Variants in SYNPR observed in about 807,000 individuals in gnomAD.
SYNPR encodes synaptoporin.
SYNPR carries 23 observed loss-of-function variants against 32.9 expected under a neutral mutation model. That is an observed-to-expected ratio of 0.70 (90% CI 0.50 to 0.99). SYNPR has a LOEUF of 0.99. Among genes scored for constraint, SYNPR ranks in the 50% least tolerant of loss-of-function variants. The pLI is 0.00. For synonymous variants in SYNPR, 146 were observed against 135.9 expected (o/e 1.07, Z -0.52); for missense variants, 318 against 349.3 (o/e 0.91, Z 0.71).
intron 2 of SYNPR, chr3:63,443,486 C>T: frequency 6.2e-7 from 1 of 1,604,076 alleles, no homozygotes; most frequent in Non-Finnish European, 8.5e-7. Flanking sequence ...TTACAGCTAT[C>T]TTGATTTACA....
chr3:63,349,510 A>C (rs536157024), intron 2 of SYNPR, among the ~76,000 whole-genome samples: 1 of 152,310 alleles, frequency 6.6e-6, no homozygotes, highest in Non-Finnish European at 1.5e-5. Context: ...TTTTCTTTGT[A>C]GGGATCTTTC....
chr3:63,360,711 G>C (rs151322533), intron 2 of SYNPR, among the ~76,000 whole-genome samples: 62 of 152,224 alleles, frequency 4.1e-4, no homozygotes, highest in African/African-American at 1.4e-3. Context: ...CTAGAACACT[G>C]TCTGGCCACT....
chr3:63,310,663 C>T (rs1478293520), intron 2 of SYNPR, among the ~76,000 whole-genome samples: 2 of 152,024 alleles, frequency 1.3e-5, no homozygotes, highest in East Asian at 3.9e-4. Context: ...TTCATGCTGT[C>T]CCAGTGGCTC....
At chr3:63,594,585 G>T (rs1165086921) in intron 4 of SYNPR, among the ~76,000 whole-genome samples, 1 of 152,080 alleles carries the variant, frequency 6.6e-6, no homozygotes, top group African/African-American at 2.4e-5. Flanking sequence ...CTTTCAAACT[G>T]GGTTTAAGTA....
At chr3:63,572,869 A>G (rs1408456457) in intron 4 of SYNPR, among the ~76,000 whole-genome samples, 2 of 152,110 alleles carry the variant, frequency 1.3e-5, no homozygotes, top group Non-Finnish European at 2.9e-5. Flanking sequence ...CTCATTTTTA[A>G]TAAGTATTAG....
intron 2 of SYNPR, among the ~76,000 whole-genome samples, chr3:63,450,622 A>G (rs994598968): frequency 3.9e-5 from 6 of 152,168 alleles, no homozygotes; most frequent in Non-Finnish European, 8.8e-5. Flanking sequence ...GACGTACCCA[A>G]ACATCTTTGG....
chr3:63,606,863 T>C (rs1700130352), intron 4 of SYNPR, among the ~76,000 whole-genome samples: 2 of 152,294 alleles, frequency 1.3e-5, no homozygotes, highest in South Asian at 4.1e-4. Context: ...CTCCATTTCC[T>C]CAACTGTAAA....
intron 1 of SYNPR, among the ~76,000 whole-genome samples, chr3:63,251,523 T>C (rs1327929731): frequency 6.6e-6 from 1 of 152,146 alleles, no homozygotes; most frequent in African/African-American, 2.4e-5. Context: ...CCTGACATAA[T>C]GCTGAAAGAA....
intron 4 of SYNPR, among the ~76,000 whole-genome samples, chr3:63,566,798 G>C (rs941100699): frequency 6.6e-6 from 1 of 152,142 alleles, no homozygotes; most frequent in Non-Finnish European, 1.5e-5. Flanking sequence ...AGAGTAAATG[G>C]GTTATTACCC....
chr3:63,425,848 T>A lies in SYNPR; in HGVS notation c.85-54984T>A, dbSNP rs570421858. Reference sequence around the variant, plus strand: ...CCCAGGCTGGAGTGCAGTGGCACAATCTCGGCTCACTGCAACCTCCGCCTC... The same window carrying A: ...CCCAGGCTGGAGTGCAGTGGCACAAACTCGGCTCACTGCAACCTCCGCCTC... On this transcript the variant is annotated intron_variant, in intron 2 of 5. Coordinates refer to ENST00000478300, the MANE Select transcript of SYNPR (RefSeq NM_001130003.2). Among the ~76,000 whole-genome samples, 13 of 150,508 alleles carry A rather than the reference T, an allele frequency of 8.6e-5. No homozygotes were observed. In the South Asian group the frequency reaches 2.8e-3, roughly 32 times the overall value.
At chr3:63,289,745 T>G (rs1026028959) in intron 2 of SYNPR, among the ~76,000 whole-genome samples, 1 of 152,128 alleles carries the variant, frequency 6.6e-6, no homozygotes, top group African/African-American at 2.4e-5. Flanking sequence ...AACACAATAA[T>G]GTTTAAAATA....
intron 2 of SYNPR, among the ~76,000 whole-genome samples, chr3:63,390,557 G>C (rs2088119485): frequency 1.3e-5 from 2 of 152,154 alleles, no homozygotes; most frequent in African/African-American, 4.8e-5. Context: ...ACGAAATAGA[G>C]CCCGTTGTGC....
At chr3:63,456,913 G>A (rs185132097) in intron 2 of SYNPR, among the ~76,000 whole-genome samples, 8 of 152,182 alleles carry the variant, frequency 5.3e-5, no homozygotes, top group Admixed American at 5.2e-4. Flanking sequence ...GACCAAACAC[G>A]AATACACCAA....
chr3:63,592,575 T>C (rs1023315182), intron 4 of SYNPR, among the ~76,000 whole-genome samples: 2 of 152,118 alleles, frequency 1.3e-5, no homozygotes, highest in Admixed American at 6.6e-5. Context: ...AAATATTGTC[T>C]CTATTCTATT....
upstream of SYNPR, among the ~76,000 whole-genome samples, chr3:63,224,978 C>T (rs2086118185): frequency 6.6e-6 from 1 of 152,180 alleles, no homozygotes; most frequent in African/African-American, 2.4e-5. Flanking sequence ...GATAGCCTGT[C>T]CTGCTATGTT....
intron 2 of SYNPR, among the ~76,000 whole-genome samples, chr3:63,280,134 T>C (rs2086614434): frequency 6.6e-6 from 1 of 152,206 alleles, no homozygotes; most frequent in Non-Finnish European, 1.5e-5. Flanking sequence ...AGAGCTGACA[T>C]CATTTTCTGA....
At position 63,501,684 on chromosome 3, in the gene SYNPR, G is replaced by A. The variant is rs146153132; in HGVS notation, c.209+20728G>A. Reference sequence around the variant, plus strand: ...CTATTGTAAGTCTTACTTGGATAAAGTAGGATATGATGACTTTAAGAATTT... The same window carrying A: ...CTATTGTAAGTCTTACTTGGATAAAATAGGATATGATGACTTTAAGAATTT... On this transcript the variant is annotated intron_variant, in intron 3 of 5. Coordinates refer to ENST00000478300, the MANE Select transcript of SYNPR (RefSeq NM_001130003.2). Among the ~76,000 whole-genome samples the A allele has an allele frequency of 3.4e-3, 513 of 152,174 alleles. 3 individuals carry two copies. The highest frequency in any genetic ancestry group is 0.011 in the African/African-American group (473 of 41,536).
chr3:63,476,569 A>G (rs1700930789), intron 2 of SYNPR, among the ~76,000 whole-genome samples: 3 of 152,112 alleles, frequency 2.0e-5, no homozygotes, highest in Admixed American at 2.0e-4. Flanking sequence ...AGAAGACTGG[A>G]CCATTTGAGA....
chr3:63,219,576 T>C, the SYNPR span, among the ~76,000 whole-genome samples: 1 of 152,208 alleles, frequency 6.6e-6, no homozygotes. Context: ...ACTAATAGCC[T>C]ACTGCTGACC....
Sources: allele counts gnomAD v4.1 joint callset (sites outside exome capture counted in the v4.1 genomes callset), GRCh38; gene constraint gnomAD v4.1.1; transcripts MANE v1.5; gene names NCBI Gene and HGNC (gene_info 2026-07-23, HGNC 2026-07-21).